AP1G1: variants seen among roughly 807,000 people sequenced by gnomAD.
AP1G1 encodes the protein adaptor related protein complex 1 subunit gamma 1, also known as AP-1 complex subunit gamma-1.
AP1G1 carries 7 observed loss-of-function variants against 108.3 expected under a neutral mutation model. The ratio of observed to expected loss-of-function variants is 0.06; its 90% CI spans 0.04 to 0.12. The LOEUF is 0.12. AP1G1 is among the 10% of genes least tolerant of loss of function. The pLI is 1.00. For synonymous variants in AP1G1, 379 were observed against 353.5 expected (o/e 1.07, Z -0.81); for missense variants, 756 against 1,010.7 (o/e 0.75, Z 3.42).
chr16:71,738,407 A>G (rs573092164), intron 21 of AP1G1, among the ~76,000 whole-genome samples: 25 of 152,204 alleles, frequency 1.6e-4, no homozygotes, highest in Non-Finnish European at 2.6e-4. Context: ...CTTAAACTAA[A>G]ATTTGGTGTA....
Position 71,748,302 on chromosome 16 carries a change from T to C in AP1G1, c.1574A>G (p.Tyr525Cys). The change falls in exon 16 of 23, where the codon TAT becomes TGT. Residue 525 changes from tyrosine to cysteine, a missense_variant. Physicochemically the swap from Tyr to Cys is radical, Grantham distance 194. Around this residue, in one of 3 missense-constraint regions of AP1G1, gnomAD observed 357 missense variants for 366.5 expected, o/e 0.97. Coordinates refer to ENST00000299980, the MANE Select transcript of AP1G1 (RefSeq NM_001128.6). ...SNMSTSVTRG[Y>C]ALTAIMKLST... Reference sequence around the variant, plus strand: ...AAGCTTCATAATGGCAGTGAGGGCATAACCTCGTGTCACAGAGGTGGACAT... The same window carrying C: ...AAGCTTCATAATGGCAGTGAGGGCACAACCTCGTGTCACAGAGGTGGACAT... 6.2e-7 allele frequency: 1 copy of C among 1,614,034 alleles called. No homozygotes were observed. Among genetic ancestry groups the C allele is most frequent in the Non-Finnish European group, 8.5e-7 (1 of 1,179,884 alleles).
At chr16:71,751,474 A>C (rs1383292005) in intron 13 of AP1G1, 1 of 151,624 alleles carries the variant, frequency 6.6e-6, no homozygotes, top group Non-Finnish European at 1.5e-5. Context: ...AAAAAAAGAA[A>C]AAAAAAAAAA....
intron 18 of AP1G1, 23 bp downstream of exon 18, chr16:71,745,450 T>A: frequency 6.2e-7 from 1 of 1,613,998 alleles, no homozygotes; most frequent in Non-Finnish European, 8.5e-7. Context: ...AAGCCCCAGA[T>A]GAGCAAGTGA....
intron 1 of AP1G1, chr16:71,806,576 G>A: frequency 1.6e-6 from 1 of 635,964 alleles, no homozygotes; most frequent in Non-Finnish European, 2.3e-6. Flanking sequence ...ATTAAAGCAT[G>A]AAAAACACTG....
chr16:71,765,437 T>C, intron 7 of AP1G1, 52 bp downstream of exon 7: 1 of 1,336,748 alleles, frequency 7.5e-7, no homozygotes, highest in Non-Finnish European at 1.1e-6. Context: ...ATTGTCTACT[T>C]AAAGATATTA....
intron 11 of AP1G1, chr16:71,758,524 C>A: frequency 3.5e-6 from 2 of 572,298 alleles, no homozygotes; most frequent in South Asian, 1.4e-5. Context: ...TTTTGCCTAG[C>A]TTATCTGTGC....
At chr16:71,769,087 A>C (rs1166842246) in intron 6 of AP1G1, among the ~76,000 whole-genome samples, 1 of 150,752 alleles carries the variant, frequency 6.6e-6, no homozygotes, top group East Asian at 2.0e-4. Flanking sequence ...GTTCAAGACC[A>C]GCTTGGCCAA....
chr16:71,740,544 T>C lies in AP1G1; in HGVS notation c.2000-1203A>G, dbSNP rs185070944. On this transcript the variant is annotated intron_variant, in intron 19 of 22. Coordinates refer to ENST00000299980, the MANE Select transcript of AP1G1 (RefSeq NM_001128.6). ...GAATAAGTAAACTGATATATTGATA[T>C]ACTAAAATACTACACATGTACAACA... Among the ~76,000 whole-genome samples, 7 of 152,322 alleles carry C rather than the reference T, an allele frequency of 4.6e-5. No homozygotes were observed. In the East Asian group the frequency reaches 9.6e-4, roughly 21 times the overall value.
chr16:71,807,855 A>G lies in AP1G1; in HGVS notation c.-4+908T>C, dbSNP rs886781794. The G allele has an allele frequency of 5.4e-6, 7 of 1,288,472 alleles. No homozygotes were observed. The East Asian group carries it at 2.8e-4, about 51-fold the overall frequency. The allele number at this position is 1,288,472 out of a possible 1,614,324, so 79.8% of individuals were successfully genotyped here. A position where few individuals can be genotyped will look rare whatever the true frequency, so the allele number is the denominator to read the frequency against. Reference sequence around the variant, plus strand: ...ATTTCCGTGCTCAGGGATATATAATAGGGGAGAAAAAAAAATACCACACAA... The same window carrying G: ...ATTTCCGTGCTCAGGGATATATAATGGGGGAGAAAAAAAAATACCACACAA... On this transcript the variant is annotated intron_variant, in intron 1 of 22. Coordinates refer to ENST00000299980, the MANE Select transcript of AP1G1 (RefSeq NM_001128.6).
intron 10 of AP1G1, among the ~76,000 whole-genome samples, chr16:71,759,307 A>G (rs1458989693): frequency 6.6e-6 from 1 of 152,050 alleles, no homozygotes; most frequent in Non-Finnish European, 1.5e-5. Flanking sequence ...AAAATATAAA[A>G]AGTAGCTGGG....
intron 4 of AP1G1, among the ~76,000 whole-genome samples, chr16:71,771,958 T>C (rs1170809812): frequency 6.6e-6 from 1 of 152,162 alleles, no homozygotes; most frequent in Non-Finnish European, 1.5e-5. Context: ...TACTAGCTTG[T>C]TCACTGGAAA....
intron 9 of AP1G1, among the ~76,000 whole-genome samples, chr16:71,763,728 A>T (rs964074076): frequency 7.2e-5 from 11 of 152,328 alleles, no homozygotes; most frequent in African/African-American, 2.4e-4. Context: ...CGACAAAAAG[A>T]ACTGTACACA....
At chr16:71,785,252 A>G (rs2032157135) in intron 2 of AP1G1, among the ~76,000 whole-genome samples, 1 of 152,096 alleles carries the variant, frequency 6.6e-6, no homozygotes, top group African/African-American at 2.4e-5. Flanking sequence ...AGACTCACAT[A>G]CCCAAGTTGT....
chr16:71,805,253 G>A (rs1024138430), intron 1 of AP1G1, among the ~76,000 whole-genome samples: 1 of 152,030 alleles, frequency 6.6e-6, no homozygotes, highest in African/African-American at 2.4e-5. Flanking sequence ...TTCGAGACCA[G>A]CCTAGCCAAC....
chr16:71,739,120 G>A lies in AP1G1; in HGVS notation c.2108-18C>T, dbSNP rs2045586127. On this transcript the variant is annotated intron_variant, in intron 20 of 22. Transcript: ENST00000299980. ...GGGGATGCCTGAGAAAGTACAGGAA[G>A]ATAAGTCTTATTGTAGTCAGCCTAA... The A allele has an allele frequency of 2.5e-6, 4 of 1,613,850 alleles. No homozygotes were observed. Among genetic ancestry groups the A allele is most frequent in the Non-Finnish European group, 2.5e-6 (3 of 1,179,882 alleles).
chr16:71,792,238 G>A (rs983728988), intron 1 of AP1G1, among the ~76,000 whole-genome samples: 1 of 152,122 alleles, frequency 6.6e-6, no homozygotes, highest in Admixed American at 6.5e-5. Context: ...CAGTATGGCA[G>A]GTTGAAAGAC....
At chr16:71,758,993 T>A in intron 10 of AP1G1, 72 bp from the exon 11 acceptor site, 1 of 847,260 alleles carries the variant, frequency 1.2e-6, no homozygotes, top group Non-Finnish European at 1.9e-6. Context: ...GTTTAAATAA[T>A]AAAAAGAAAG....
At chr16:71,806,778 A>C in intron 1 of AP1G1, 13 of 1,145,678 alleles carry the variant, frequency 1.1e-5, no homozygotes, top group Non-Finnish European at 1.4e-5. Context: ...TACAGAACTC[A>C]CGTATCTAAT....
chr16:71,755,648 T>G (rs946796909), intron 12 of AP1G1, among the ~76,000 whole-genome samples: 1 of 151,968 alleles, frequency 6.6e-6, no homozygotes, highest in Non-Finnish European at 1.5e-5. Flanking sequence ...CATTTTTTTT[T>G]TTTTGTTTTG....
Sources: gnomAD v4.1 joint callset for allele counts (sites outside exome capture counted in the v4.1 genomes callset) on GRCh38, gnomAD v4.1.1 for gene constraint, gnomAD v4.1.1 regional missense constraint, MANE v1.5 for transcripts, NCBI Gene and HGNC (gene_info 2026-07-23, HGNC 2026-07-21) for gene names.